Variants in CNTNAP3 observed in about 807,000 individuals in gnomAD.
The protein encoded by CNTNAP3 is contactin associated protein family member 3.
A neutral mutation model predicts 92.1 loss-of-function variants in CNTNAP3; 36 were observed. The observed-to-expected ratio is 0.39, with a 90% CI of 0.30 to 0.52. The LOEUF (loss-of-function observed/expected upper bound fraction) is 0.52. CNTNAP3 is among the 20% of genes least tolerant of loss of function. The pLI, the probability that CNTNAP3 is intolerant of heterozygous loss-of-function variation, is 0.76. For synonymous variants in CNTNAP3, 232 were observed against 422.3 expected (o/e 0.55, Z 5.53); for missense variants, 534 against 1,069.6 (o/e 0.50, Z 6.98).
intron 9 of CNTNAP3, chr9:39,159,411 A>ATATTT (rs545909606): frequency 7.0e-5 from 9 of 129,348 alleles, no homozygotes; most frequent in African/African-American, 2.6e-4. Flanking sequence ...ATATATATAT[A>ATATTT]TTTTTTTTTC....
chr9:39,119,359 A>G (rs2990108), intron 13 of CNTNAP3, among the ~76,000 whole-genome samples: 4 of 151,324 alleles, frequency 2.6e-5, no homozygotes, highest in African/African-American at 9.7e-5. Flanking sequence ...CTCTGCCAAA[A>G]AAAAAAAAAA....
At chr9:39,114,279 T>C (rs1180705462) in intron 14 of CNTNAP3, among the ~76,000 whole-genome samples, 1 of 151,704 alleles carries the variant, frequency 6.6e-6, no homozygotes, top group Non-Finnish European at 1.5e-5. Flanking sequence ...AGAGACGGGG[T>C]TTCACCTGTG....
chr9:39,113,471 C>A (rs1425581646), intron 14 of CNTNAP3, among the ~76,000 whole-genome samples: 4 of 151,488 alleles, frequency 2.6e-5, no homozygotes, highest in African/African-American at 9.7e-5. Flanking sequence ...ACTGACTGAC[C>A]ATAAATTCAG....
At chr9:39,080,913 C>T (rs1825917492) in intron 21 of CNTNAP3, among the ~76,000 whole-genome samples, 1 of 139,478 alleles carries the variant, frequency 7.2e-6, no homozygotes, top group African/African-American at 2.7e-5. Flanking sequence ...GATCTGCCCA[C>T]CTCGGCCTCC....
At chr9:39,170,057 A>G (rs1822229818) in intron 8 of CNTNAP3, among the ~76,000 whole-genome samples, 1 of 214 alleles carries the variant, frequency 4.7e-3, no homozygotes, top group Non-Finnish European at 7.9e-3. Context: ...CACGATTTTA[A>G]CCTTTCTTGG....
intron 9 of CNTNAP3, among the ~76,000 whole-genome samples, chr9:39,162,111 T>C (rs1822088747): frequency 2.0e-5 from 2 of 99,184 alleles, no homozygotes; most frequent in South Asian, 6.6e-4. Flanking sequence ...AGGTCTAATG[T>C]CTGGAATCTA....
intron 8 of CNTNAP3, among the ~76,000 whole-genome samples, chr9:39,170,666 G>A (rs1424156560): frequency 1.2e-4 from 2 of 17,038 alleles, no homozygotes; most frequent in Non-Finnish European, 1.8e-4. Context: ...CCCTGATGGG[G>A]AGTGGGGATG....
Position 39,118,139 on chromosome 9 carries a change from T to A in CNTNAP3, c.2201A>T (p.Gln734Leu). Residue 734 changes from glutamine (Q) to leucine (L), a missense_variant, in exon 14 of 24, where the codon CAG (glutamine) becomes CTG (leucine). Gln to Leu is a moderately radical substitution (Grantham distance 113). Transcript: ENST00000297668. ...CGLEGNCIDS[Q>L]YYCNCDAGRN... is the part of the protein sequence containing the mutation. ...GCCAGCATCACAGTTGCAGTAATAC[T>A]GAGAATCAATGCAGTTCCCCTCTAA... 6.2e-7 allele frequency: 1 copy of A among 1,610,446 alleles called. No homozygotes were observed. The highest frequency in any genetic ancestry group is 1.1e-5 in the South Asian group (1 of 90,882).
rs1163692650 is a variant in CNTNAP3, at chr9:39,073,213, A to G, written c.*677T>C. ...GTATCAAAATCATTAAAAACAGTCA[A>G]TTAGAAAAAGCAATACACCAAAAAT... On this transcript the variant is annotated 3_prime_UTR_variant, in exon 24 of 24. Coordinates refer to ENST00000297668, the MANE Select transcript of CNTNAP3 (RefSeq NM_033655.5). 1 of 158,554 alleles carries G rather than the reference A, an allele frequency of 6.3e-6. No homozygotes were observed. The highest frequency in any genetic ancestry group is 2.4e-5 in the African/African-American group (1 of 41,590). The allele number at this position is 158,554 out of a possible 1,614,324, so 9.8% of individuals were successfully genotyped here.
At chr9:39,089,836 T>C (rs1331268739) in intron 18 of CNTNAP3, among the ~76,000 whole-genome samples, 6 of 152,214 alleles carry the variant, frequency 3.9e-5, no homozygotes, top group Non-Finnish European at 7.3e-5. Flanking sequence ...CATGATTTTA[T>C]TGGACATTCA....
intron 17 of CNTNAP3, 112 bp downstream of exon 17, chr9:39,102,385 T>C: frequency 1.9e-6 from 3 of 1,545,062 alleles, no homozygotes. Flanking sequence ...ATAGTACCAA[T>C]AAGCAGTAGT....
intron 14 of CNTNAP3, among the ~76,000 whole-genome samples, chr9:39,110,955 G>A (rs898195629): frequency 6.6e-6 from 1 of 151,766 alleles, no homozygotes; most frequent in African/African-American, 2.4e-5. Context: ...ACCTTCTTTT[G>A]TATGCATTTG....
chr9:39,074,796 T>C (rs1487440463), intron 23 of CNTNAP3, among the ~76,000 whole-genome samples: 1 of 152,146 alleles, frequency 6.6e-6, no homozygotes, highest in African/African-American at 2.4e-5. Context: ...TGAGACGGAG[T>C]CTTGCTCTGT....
At chr9:39,121,373 T>TA (rs1180934150) in intron 13 of CNTNAP3, among the ~76,000 whole-genome samples, 3 of 152,026 alleles carry the variant, frequency 2.0e-5, no homozygotes, top group African/African-American at 4.8e-5. Flanking sequence ...AATACACCCT[T>TA]AAAAAAATGA....
intron 11 of CNTNAP3, 147 bp downstream of exon 11, chr9:39,144,093 G>A (rs1180678669): frequency 1.4e-5 from 20 of 1,406,658 alleles, no homozygotes; most frequent in South Asian, 1.6e-5. Flanking sequence ...AAATAAGGTG[G>A]ATTAAAAGTA....
chr9:39,102,298 AAAAC>A (rs1477645992), intron 17 of CNTNAP3, among the ~76,000 whole-genome samples, 195 bp downstream of exon 17: 5 of 152,288 alleles, frequency 3.3e-5, no homozygotes, highest in African/African-American at 4.8e-5. Flanking sequence ...AACAAAAACA[AAAAC>A]AAACAAACAA....
Position 39,109,204 on chromosome 9 carries a change from G to C in CNTNAP3, c.2321C>G (p.Ser774Cys). ...IVMTDAGRPH[S>C]EAAYTLGPLL... ...TGGCCCCAGTGTATAAGCTGCTTCG[G>C]AATGTGGTCGGCCTGCGTCTGTCAT... Residue 774 changes from serine to cysteine, a missense_variant, in exon 15 of 24, where the codon TCC (serine) becomes TGC (cysteine). Ser to Cys is a moderately radical substitution (Grantham distance 112). Transcript: ENST00000297668. The C allele has an allele frequency of 6.2e-7, 1 of 1,613,040 alleles. No homozygotes were observed. Among genetic ancestry groups the C allele is most frequent in the Non-Finnish European group, 8.5e-7 (1 of 1,179,804 alleles).
intron 9 of CNTNAP3, among the ~76,000 whole-genome samples, chr9:39,150,407 G>T (rs1821815944): frequency 1.0e-5 from 1 of 99,728 alleles, no homozygotes; most frequent in Non-Finnish European, 2.0e-5. Context: ...AATGCTACCT[G>T]AAAATATAAT....
intron 9 of CNTNAP3, chr9:39,159,465 G>C (rs1191956319): frequency 1.5e-5 from 2 of 131,590 alleles, no homozygotes; most frequent in African/African-American, 2.9e-5. Flanking sequence ...TGGGATTACA[G>C]GCACCTGCCA....
Sources: gnomAD v4.1 joint callset for allele counts (sites outside exome capture counted in the v4.1 genomes callset) on GRCh38, gnomAD v4.1.1 for gene constraint, MANE v1.5 for transcripts, NCBI Gene and HGNC (gene_info 2026-07-23, HGNC 2026-07-21) for gene names.